Variants in KDM3B observed in about 807,000 individuals in gnomAD.
KDM3B encodes the protein lysine demethylase 3B.
Under a neutral mutation model 170.0 loss-of-function variants are expected in KDM3B, and 10 were observed. The observed-to-expected ratio is 0.06, with a 90% CI of 0.04 to 0.10. The LOEUF (loss-of-function observed/expected upper bound fraction) is 0.10. Among genes scored for constraint, KDM3B ranks in the 10% least tolerant of loss-of-function variants. KDM3B has a pLI of 1.00. For missense variants in KDM3B, 1,394 were observed against 2,195.2 expected (o/e 0.64, Z 7.29); for synonymous variants, 831 against 834.8 (o/e 1.00, Z 0.08).
chr5:138,409,512 C>A (rs1762906653), intron 11 of KDM3B, among the ~76,000 whole-genome samples: 1 of 152,008 alleles, frequency 6.6e-6, no homozygotes, highest in Non-Finnish European at 1.5e-5. Flanking sequence ...TGCTTAGGGA[C>A]AAATTTAGCC....
chr5:138,365,953 G>A (rs1300931246), intron 1 of KDM3B, among the ~76,000 whole-genome samples: 1 of 152,058 alleles, frequency 6.6e-6, no homozygotes, highest in Non-Finnish European at 1.5e-5. Context: ...AGCCTAGATC[G>A]CGTCATTGTA....
At chr5:138,434,740 A>C (rs1763631573) in intron 23 of KDM3B, among the ~76,000 whole-genome samples, 1 of 152,170 alleles carries the variant, frequency 6.6e-6, no homozygotes, top group Non-Finnish European at 1.5e-5. Flanking sequence ...AAGCTATTTA[A>C]GCTCTGTGAA....
rs1185346574 is a variant in KDM3B, at chr5:138,386,013, G to A, written c.781-9G>A. ...TTCCTTGTAATCTTTTTTGAATTTTGTTTTGTAGGGGGGTACGTTAAAAGC... is the reference window on the plus strand; with the variant it reads ...TTCCTTGTAATCTTTTTTGAATTTTATTTTGTAGGGGGGTACGTTAAAAGC... On this transcript the variant is annotated splice_polypyrimidine_tract_variant and intron_variant, in intron 6 of 23. Transcript: ENST00000314358. The A allele has an allele frequency of 1.9e-6, 3 of 1,574,372 alleles. No individual in the cohort carries two copies. Among genetic ancestry groups the A allele is most frequent in the Non-Finnish European group, 2.6e-6 (3 of 1,163,334 alleles).
At chr5:138,434,521 G>A (rs1489532205) in intron 23 of KDM3B, among the ~76,000 whole-genome samples, 1 of 149,942 alleles carries the variant, frequency 6.7e-6, no homozygotes, top group Non-Finnish European at 1.5e-5. Flanking sequence ...GCACTCCAGC[G>A]TGGGCAACAG....
intron 10 of KDM3B, among the ~76,000 whole-genome samples, chr5:138,398,886 T>G (rs1762609012): frequency 1.4e-5 from 2 of 138,428 alleles, no homozygotes; most frequent in African/African-American, 2.5e-5. Flanking sequence ...ATCCTAAATT[T>G]CTTTTTTTTT....
At chr5:138,374,260 T>C (rs1225565597) in intron 2 of KDM3B, 1 of 441,556 alleles carries the variant, frequency 2.3e-6, no homozygotes, top group Non-Finnish European at 4.5e-6. Flanking sequence ...GTTTCATTTG[T>C]TTTTGTTGTT....
intron 1 of KDM3B, among the ~76,000 whole-genome samples, chr5:138,365,538 A>G (rs1437067559): frequency 6.6e-6 from 1 of 151,968 alleles, no homozygotes; most frequent in African/African-American, 2.4e-5. Context: ...GATTACGGTC[A>G]TGAGCCATGG....
intron 1 of KDM3B, among the ~76,000 whole-genome samples, chr5:138,354,000 G>C (rs1022974874): frequency 2.0e-5 from 3 of 152,152 alleles, no homozygotes; most frequent in African/African-American, 7.2e-5. Context: ...GAATGTAATA[G>C]ATCAGCAAGC....
rs1762445764 is a variant in KDM3B, at chr5:138,392,000, C to T, written c.2368C>T (p.Pro790Ser). 3 of 1,613,930 alleles carry T rather than the reference C, an allele frequency of 1.9e-6. No homozygotes were observed. The highest frequency in any genetic ancestry group is 2.5e-6 in the Non-Finnish European group (3 of 1,179,786). The change falls in exon 8 of 24, where the codon CCT becomes TCT. Residue 790 changes from proline to serine, a missense_variant. Pro to Ser is a moderately conservative substitution (Grantham distance 74). Transcript: ENST00000314358. This position sits in a 1 kb window ranked among gnomAD's most constrained non-coding sequence, Gnocchi z 5.0. ...PADFSQENKA[P>S]FEAVKRFSLD... ...AGATTTTTCACAGGAGAACAAAGCT[C>T]CTTTTGAAGCTGTGAAAAGGTTCTC...
chr5:138,374,553 G>A lies in KDM3B; in HGVS notation c.361-540G>A, dbSNP rs187133833. On this transcript the variant is annotated intron_variant, in intron 2 of 23. Transcript: ENST00000314358. ...GATTACAGGCGTAGCCACTGCGCCC[G>A]GCTTCTCATTTGTTTTTAAGGCCAC... Among the ~76,000 whole-genome samples the A allele has an allele frequency of 4.3e-4, 66 of 152,240 alleles. 1 individual carries two copies. Among genetic ancestry groups the A allele is most frequent in the East Asian group, 1.7e-3 (9 of 5,188 alleles).
At chr5:138,427,563 C>G (rs1337997878) in intron 19 of KDM3B, among the ~76,000 whole-genome samples, 1 of 152,158 alleles carries the variant, frequency 6.6e-6, no homozygotes, top group Non-Finnish European at 1.5e-5. Flanking sequence ...GTTAAGAACT[C>G]TACCCAAGGA....
rs556163191 is a variant in KDM3B, at chr5:138,419,967, C to G, written c.3715+735C>G. ...GTGGCGCGATCTTGGCTCACTGCAA[C>G]CTCCGTCTCCCAGGTTCAAGTGATT... On this transcript the variant is annotated intron_variant, in intron 14 of 23. Transcript: ENST00000314358. Among the ~76,000 whole-genome samples the G allele has an allele frequency of 5.2e-3, 793 of 152,120 alleles. 8 individuals carry two copies. Among genetic ancestry groups the G allele is most frequent in the Non-Finnish European group, 6.4e-3 (434 of 67,992 alleles).
chr5:138,412,499 TAAA>T (rs1413723682), intron 11 of KDM3B, among the ~76,000 whole-genome samples: 4 of 151,078 alleles, frequency 2.6e-5, no homozygotes, highest in Non-Finnish European at 4.4e-5. Flanking sequence ...AAAAAAAATT[TAAA>T]AATTAGCGAG....
At chr5:138,376,587 C>G (rs1475925695) in intron 3 of KDM3B, among the ~76,000 whole-genome samples, 1 of 151,668 alleles carries the variant, frequency 6.6e-6, no homozygotes, top group Non-Finnish European at 1.5e-5. Flanking sequence ...GCCTGTAGTC[C>G]CAGCTACTCG....
At chr5:138,382,886 T>C (rs184779666) in intron 6 of KDM3B, among the ~76,000 whole-genome samples, 7 of 152,310 alleles carry the variant, frequency 4.6e-5, no homozygotes, top group Non-Finnish European at 8.8e-5. Context: ...TTTGATCGTG[T>C]ATTGGTCCCC....
At chr5:138,358,306 CTT>C (rs71306181) in intron 1 of KDM3B, among the ~76,000 whole-genome samples, 1 of 108,264 alleles carries the variant, frequency 9.2e-6, no homozygotes. Context: ...TTCTTTCTTT[CTT>C]TTTTTTTTTT....
chr5:138,415,648 A>G (rs778823078), intron 12 of KDM3B, among the ~76,000 whole-genome samples: 12 of 151,414 alleles, frequency 7.9e-5, no homozygotes, highest in East Asian at 1.9e-4. Flanking sequence ...CGGAGTCCCA[A>G]TATGTTGCAC....
intron 1 of KDM3B, 22 bp from the exon 2 acceptor site, chr5:138,372,652 A>G: frequency 6.2e-7 from 1 of 1,601,642 alleles, no homozygotes; most frequent in Non-Finnish European, 8.5e-7. Context: ...GTGACTTCCA[A>G]ACTGCTTTTT....
At chr5:138,405,778 G>A (rs903803211) in intron 11 of KDM3B, among the ~76,000 whole-genome samples, 11 of 152,022 alleles carry the variant, frequency 7.2e-5, no homozygotes, top group African/African-American at 2.7e-4. Context: ...TATATTTTGG[G>A]GTTTATACTA....
Sources: allele counts gnomAD v4.1 joint callset (sites outside exome capture counted in the v4.1 genomes callset), GRCh38; gene constraint gnomAD v4.1.1; non-coding constraint Gnocchi (gnomAD v3.1); transcripts MANE v1.5; gene names NCBI Gene and HGNC (gene_info 2026-07-23, HGNC 2026-07-21).